The following MYO5B variants were observed in gnomAD, a reference collection of about 807,000 sequenced individuals.
MYO5B encodes unconventional myosin-Vb.
In MYO5B, 143 loss-of-function variants were observed where a neutral mutation model predicts 229.3. That is an observed-to-expected ratio of 0.62 (90% confidence interval 0.54 to 0.72). MYO5B has a LOEUF of 0.72. Ranked by LOEUF, MYO5B falls within the 30% of genes least tolerant of loss-of-function variation. The pLI, the probability that MYO5B is intolerant of heterozygous loss-of-function variation, is 0.00. For synonymous variants in MYO5B, 918 were observed against 885.2 expected (o/e 1.04, Z -0.66); for missense variants, 2,321 against 2,331.0 (o/e 1.00, Z 0.09).
chr18:49,940,242 C>T (rs1309868397), intron 14 of MYO5B, among the ~76,000 whole-genome samples: 1 of 152,196 alleles, frequency 6.6e-6, no homozygotes, highest in African/African-American at 2.4e-5. Flanking sequence ...TTTCACATTA[C>T]AGTCTACAGT....
intron 29 of MYO5B, among the ~76,000 whole-genome samples, chr18:49,859,711 A>G (rs565112960): frequency 6.6e-6 from 1 of 152,352 alleles, no homozygotes; most frequent in South Asian, 2.1e-4. Flanking sequence ...ACTCAGGACC[A>G]GCAGAACTTT....
chr18:49,878,562 T>A (rs551473832), intron 24 of MYO5B, among the ~76,000 whole-genome samples: 1 of 152,160 alleles, frequency 6.6e-6, no homozygotes, highest in Non-Finnish European at 1.5e-5. Flanking sequence ...CTGCATCTCA[T>A]CAGATTAGGA....
chr18:50,123,257 G>T (rs1448697360), intron 1 of MYO5B, among the ~76,000 whole-genome samples: 2 of 152,168 alleles, frequency 1.3e-5, no homozygotes, highest in African/African-American at 2.4e-5. Context: ...ACAGAAAGCA[G>T]ATTAGTGGCT....
chr18:49,849,700 C>T lies in MYO5B; in HGVS notation c.4222-40G>A, dbSNP rs543535476. ...AGCAGTGTGAGAACAGACATCAGCC[C>T]GGCCTGGGATGGTGGGGGTAAAATC... On this transcript the variant is annotated intron_variant, in intron 31 of 39. Coordinates refer to ENST00000285039, the MANE Select transcript of MYO5B (RefSeq NM_001080467.3). The T allele has an allele frequency of 2.8e-5, 42 of 1,518,236 alleles. No individual in the cohort carries two copies. In the Admixed American group the frequency reaches 3.0e-4, roughly 11 times the overall value. The allele number at this position is 1,518,236 out of a possible 1,614,324, so 94.0% of individuals were successfully genotyped here. A position where few individuals can be genotyped will look rare whatever the true frequency, so the allele number is the denominator to read the frequency against.
intron 4 of MYO5B, among the ~76,000 whole-genome samples, chr18:50,022,307 G>T (rs552756621): frequency 7.9e-5 from 12 of 152,270 alleles, no homozygotes; most frequent in African/African-American, 2.9e-4. Context: ...ATAAAATTGA[G>T]ATACTGTTCT....
intron 7 of MYO5B, among the ~76,000 whole-genome samples, chr18:49,986,641 T>A (rs956428487): frequency 4.6e-5 from 7 of 152,222 alleles, no homozygotes; most frequent in Non-Finnish European, 7.3e-5. Flanking sequence ...ATTTTAGCTC[T>A]TTCTTACCTA....
At chr18:50,194,080 G>A (rs1326058908) in intron 1 of MYO5B, among the ~76,000 whole-genome samples, 1 of 152,196 alleles carries the variant, frequency 6.6e-6, no homozygotes, top group Non-Finnish European at 1.5e-5. Context: ...TTGTACCAAA[G>A]AGGCCGCGTC....
At position 50,029,253 on chromosome 18, in the gene MYO5B, G is replaced by A. The variant is rs1297206606; in HGVS notation, c.455+7597C>T. Among the ~76,000 whole-genome samples the A allele has an allele frequency of 2.0e-5, 3 of 152,188 alleles. No individual in the cohort carries two copies. In the East Asian group the frequency reaches 5.8e-4, roughly 29 times the overall value. On this transcript the variant is annotated intron_variant, in intron 4 of 39. Transcript: ENST00000285039. ...GGTGTGCACTGGCATGGCTGTGCAG[G>A]AGGTCACAGAACGAGAGACCCAGGT... is the stretch of plus-strand genomic sequence containing the variant.
At chr18:49,918,413 A>G (rs1372241179) in intron 17 of MYO5B, among the ~76,000 whole-genome samples, 2 of 152,190 alleles carry the variant, frequency 1.3e-5, no homozygotes, top group Non-Finnish European at 2.9e-5. Context: ...AAGAATCCCT[A>G]AAGATGTCCT....
intron 1 of MYO5B, among the ~76,000 whole-genome samples, chr18:50,085,094 C>T (rs1359529709): frequency 6.6e-6 from 1 of 152,138 alleles, no homozygotes; most frequent in Non-Finnish European, 1.5e-5. Context: ...AGCTTCTGCA[C>T]AGCAAAAGAA....
intron 1 of MYO5B, among the ~76,000 whole-genome samples, chr18:50,161,041 G>C (rs2032757707): frequency 6.6e-6 from 1 of 152,176 alleles, no homozygotes; most frequent in Non-Finnish European, 1.5e-5. Context: ...CTCAGTATTG[G>C]GGGCTGGACA....
chr18:49,879,957 C>T (rs559463419), intron 23 of MYO5B, among the ~76,000 whole-genome samples: 11 of 152,324 alleles, frequency 7.2e-5, no homozygotes, highest in South Asian at 4.1e-4. Context: ...AGCTCCTGAG[C>T]GCTCGCTGAG....
At chr18:50,023,230 A>T (rs1205784873) in intron 4 of MYO5B, among the ~76,000 whole-genome samples, 1 of 152,094 alleles carries the variant, frequency 6.6e-6, no homozygotes, top group Non-Finnish European at 1.5e-5. Flanking sequence ...AGCCCACCTC[A>T]GTTCTAGAGG....
chr18:50,054,638 CA>C (rs1361854766), intron 2 of MYO5B, among the ~76,000 whole-genome samples: 1 of 152,184 alleles, frequency 6.6e-6, no homozygotes, highest in African/African-American at 2.4e-5. Context: ...AATAGAATTT[CA>C]TAGTTACTAC....
intron 29 of MYO5B, among the ~76,000 whole-genome samples, chr18:49,857,701 C>T (rs761106260): frequency 6.6e-6 from 1 of 152,240 alleles, no homozygotes; most frequent in Non-Finnish European, 1.5e-5. Context: ...AACTCTTTTG[C>T]TGTGTCCAAG....
chr18:50,003,267 T>C (rs888875254), intron 4 of MYO5B, among the ~76,000 whole-genome samples: 3 of 152,062 alleles, frequency 2.0e-5, no homozygotes, highest in African/African-American at 7.2e-5. Context: ...CCGAAAAAAA[T>C]GTATATTTCA....
chr18:49,913,106 A>G (rs2024976009), intron 17 of MYO5B, among the ~76,000 whole-genome samples: 1 of 152,204 alleles, frequency 6.6e-6, no homozygotes, highest in Non-Finnish European at 1.5e-5. Flanking sequence ...TGTAAAGAAA[A>G]TGTCCAGCAA....
At chr18:50,187,377 C>G (rs1326898302) in intron 1 of MYO5B, among the ~76,000 whole-genome samples, 1 of 152,238 alleles carries the variant, frequency 6.6e-6, no homozygotes, top group Non-Finnish European at 1.5e-5. Context: ...ATTGATATCA[C>G]TGTCTCCTGA....
intron 1 of MYO5B, among the ~76,000 whole-genome samples, chr18:50,075,211 A>C (rs2031051697): frequency 6.6e-6 from 1 of 152,108 alleles, no homozygotes; most frequent in Non-Finnish European, 1.5e-5. Context: ...TCCTTGCCCC[A>C]GTGCTAATAT....
Sources: gnomAD v4.1 joint callset for allele counts (sites outside exome capture counted in the v4.1 genomes callset) on GRCh38, gnomAD v4.1.1 for gene constraint, MANE v1.5 for transcripts, NCBI Gene and HGNC (gene_info 2026-07-23, HGNC 2026-07-21) for gene names.